The following BANP variants were observed in gnomAD, a reference collection of about 807,000 sequenced individuals.
BANP encodes protein BANP.
Under a neutral mutation model 68.1 loss-of-function variants are expected in BANP, and 11 were observed. That is an observed-to-expected ratio of 0.16 (90% confidence interval 0.10 to 0.27). The LOEUF (loss-of-function observed/expected upper bound fraction) is 0.27, where lower values mean the gene tolerates loss of function less well. Among genes scored for constraint, BANP ranks in the 10% least tolerant of loss-of-function variants. BANP has a pLI of 1.00. For missense variants in BANP, 504 were observed against 722.7 expected (o/e 0.70, Z 3.47); for synonymous variants, 329 against 303.2 (o/e 1.09, Z -0.88).
chr16:88,030,533 C>T (rs1480496245), intron 8 of BANP, among the ~76,000 whole-genome samples: 2 of 152,192 alleles, frequency 1.3e-5, no homozygotes, highest in Non-Finnish European at 2.9e-5. Flanking sequence ...CCTTAGTGAG[C>T]AAGAAGCTGC....
In BANP at chr16:87,975,091, T is replaced by C. The variant is rs1039997300; in HGVS notation, c.-25T>C. On this transcript the variant is annotated 5_prime_UTR_variant, in exon 2 of 14. Coordinates refer to ENST00000682872, the MANE Select transcript of BANP (RefSeq NM_001386991.1). ...CACTGTGAGTTGAACTCTTTCGTGT[T>C]GACCGGCCACTCTCCGTGCTCTGGA... 6.3e-6 allele frequency: 10 copies of C among 1,591,348 alleles called. No homozygotes were observed. The highest frequency in any genetic ancestry group is 8.6e-6 in the Non-Finnish European group (10 of 1,164,036).
In BANP at chr16:88,018,204, C is replaced by T. The variant is rs7499692; in HGVS notation, c.656-224C>T. ...CCCTGCAGCCCCACAGGCACGTGGC[C>T]GCTTCTCGGGGGTGGTGGGATCGTG... On this transcript the variant is annotated intron_variant, in intron 6 of 13. Transcript: ENST00000682872. The surrounding 1 kb of genome is among the most constrained non-coding windows in gnomAD (Gnocchi z 7.7). Among the ~76,000 whole-genome samples, 101,237 of 151,570 alleles carry T rather than the reference C, an allele frequency of 0.67. 36,198 individuals carry two copies. The highest frequency in any genetic ancestry group is 0.82 in the Non-Finnish European group (55,414 of 67,916).
chr16:88,067,376 C>G (rs2088978536), intron 12 of BANP, among the ~76,000 whole-genome samples: 1 of 152,132 alleles, frequency 6.6e-6, no homozygotes, highest in South Asian at 2.1e-4. Flanking sequence ...TACACCACAT[C>G]TGCGCCGGGG....
intron 3 of BANP, among the ~76,000 whole-genome samples, chr16:87,982,343 A>G (rs1340384404): frequency 1.3e-5 from 2 of 152,312 alleles, no homozygotes; most frequent in Non-Finnish European, 2.9e-5. Flanking sequence ...GGTATATAAG[A>G]GTGATTTTTC....
intron 6 of BANP, among the ~76,000 whole-genome samples, chr16:88,014,672 G>A (rs1311956061): frequency 1.3e-5 from 2 of 151,918 alleles, no homozygotes; most frequent in East Asian, 1.9e-4. Flanking sequence ...CCTGCCCACC[G>A]TCCCCACACC....
At chr16:88,039,432 C>G (rs1026443826) in intron 11 of BANP, among the ~76,000 whole-genome samples, 28 of 144,498 alleles carry the variant, frequency 1.9e-4, no homozygotes, top group African/African-American at 6.3e-4. Flanking sequence ...TCGTTTTCTG[C>G]AACATAGTGG....
At chr16:88,017,315 G>A (rs1179630582) in intron 6 of BANP, 5 of 152,420 alleles carry the variant, frequency 3.3e-5, no homozygotes, top group Non-Finnish European at 7.3e-5. Flanking sequence ...CACAGGGGAG[G>A]ACGTGCTGGG....
At chr16:87,991,830 A>G (rs548587323) in intron 4 of BANP, among the ~76,000 whole-genome samples, 1 of 152,198 alleles carries the variant, frequency 6.6e-6, no homozygotes, top group Non-Finnish European at 1.5e-5. Flanking sequence ...TTTAAATAGA[A>G]TTTTGCTTCT....
chr16:88,075,851 A>G (rs1291618485), intron 13 of BANP, among the ~76,000 whole-genome samples: 2 of 146,082 alleles, frequency 1.4e-5, no homozygotes, highest in African/African-American at 2.6e-5. Flanking sequence ...GGTTCAAGTG[A>G]TTCTCCTACC....
Position 88,004,154 on chromosome 16 carries a change from G to T in BANP, c.363-141G>T. 1 of 668,732 alleles carries T rather than the reference G, an allele frequency of 1.5e-6. No homozygotes were observed. The highest frequency in any genetic ancestry group is 2.8e-5 in the East Asian group (1 of 36,256). The allele number at this position is 668,732 out of a possible 1,614,324, so 41.4% of individuals were successfully genotyped here. A position where few individuals can be genotyped will look rare whatever the true frequency, so the allele number is the denominator to read the frequency against. ...CCCTCAGGACGGGTCCCTGGGAGTG[G>T]ACTATGTTGAATGACTCTTAGGCCT... is the stretch of plus-strand genomic sequence containing the variant. On this transcript the variant is annotated intron_variant, in intron 4 of 13. Coordinates refer to ENST00000682872, the MANE Select transcript of BANP (RefSeq NM_001386991.1). This position sits in a 1 kb window ranked among gnomAD's most constrained non-coding sequence, Gnocchi z 7.0.
chr16:87,961,716 C>G (rs1006058424), intron 1 of BANP, among the ~76,000 whole-genome samples: 2 of 152,250 alleles, frequency 1.3e-5, no homozygotes, highest in South Asian at 2.1e-4. Flanking sequence ...GAAAGCTGGT[C>G]CCCAGTGTCA....
chr16:87,954,537 T>G (rs910187557), intron 1 of BANP, among the ~76,000 whole-genome samples: 5 of 152,360 alleles, frequency 3.3e-5, no homozygotes, highest in Middle Eastern at 3.4e-3. Context: ...ATTGGGAGCC[T>G]GTCACCGTGG....
chr16:87,979,339 G>T (rs1217176406), intron 2 of BANP, among the ~76,000 whole-genome samples: 2 of 152,184 alleles, frequency 1.3e-5, no homozygotes, highest in African/African-American at 2.4e-5. Flanking sequence ...ACCCACATCG[G>T]TGGGCAGCCT....
intron 7 of BANP, among the ~76,000 whole-genome samples, chr16:88,026,311 A>G (rs746887834): frequency 7.9e-5 from 12 of 152,156 alleles, no homozygotes; most frequent in Non-Finnish European, 1.3e-4. Context: ...GCCCGTAAGG[A>G]GTTTGTACTC....
At chr16:88,013,519 G>T (rs1428683120) in intron 6 of BANP, among the ~76,000 whole-genome samples, 1 of 152,050 alleles carries the variant, frequency 6.6e-6, no homozygotes, top group African/African-American at 2.4e-5. Flanking sequence ...ACCCACTAGA[G>T]CTCAGCCTGC....
At chr16:88,039,990 A>G (rs1228567255) in intron 11 of BANP, among the ~76,000 whole-genome samples, 2 of 152,180 alleles carry the variant, frequency 1.3e-5, no homozygotes, top group African/African-American at 4.8e-5. Flanking sequence ...TAATTTATAA[A>G]TCACCTGTTT....
At chr16:88,035,267 G>C (rs988116064) in intron 9 of BANP, 56 bp from the exon 10 acceptor site, 4 of 1,447,300 alleles carry the variant, frequency 2.8e-6, no homozygotes, top group Non-Finnish European at 3.8e-6. Flanking sequence ...GATGTTTCTT[G>C]TTTCCTTTGC....
rs1405743888 is a variant in BANP at position 87,951,612 on chromosome 16, C to T, written c.-69+97C>T. ...CTCCCTCCTCCCTCCTCCTCCCGCC[C>T]GCCGGGCCGCCCGCGCCGCAGCCCC... On this transcript the variant is annotated intron_variant, in intron 1 of 13. Coordinates refer to ENST00000682872, the MANE Select transcript of BANP (RefSeq NM_001386991.1). 10 of 150,208 alleles carry T rather than the reference C, an allele frequency of 6.7e-5. No individual in the cohort carries two copies. The South Asian group carries it at 1.6e-3, about 24-fold the overall frequency. The allele number at this position is 150,208 out of a possible 1,614,324, so 9.3% of individuals were successfully genotyped here.
Sources: allele counts gnomAD v4.1 joint callset (sites outside exome capture counted in the v4.1 genomes callset), GRCh38; gene constraint gnomAD v4.1.1; non-coding constraint Gnocchi (gnomAD v3.1); transcripts MANE v1.5; gene names NCBI Gene and HGNC (gene_info 2026-07-23, HGNC 2026-07-21).